The following RBM26 variants were observed in gnomAD, a reference collection of about 807,000 sequenced individuals.
RBM26 encodes RNA binding motif protein 26.
Under a neutral mutation model 123.6 loss-of-function variants are expected in RBM26, and 30 were observed. The observed-to-expected ratio is 0.24, with a 90% CI of 0.18 to 0.33. RBM26 has a LOEUF of 0.33. RBM26 is among the 10% of genes least tolerant of loss of function. RBM26 has a pLI of 1.00. For missense variants in RBM26, 947 were observed against 1,203.6 expected, an observed-to-expected ratio of 0.79 and a Z score of 3.15; for synonymous variants, 400 against 404.4, an observed-to-expected ratio of 0.99 and a Z score of 0.13.
At position 79,324,585 on chromosome 13, in the gene RBM26, T is replaced by C. The variant is rs374025755; in HGVS notation, c.2821-2123A>G. Among the ~76,000 whole-genome samples the C allele has an allele frequency of 2.6e-5, 4 of 152,006 alleles. No homozygotes were observed. In the South Asian group the frequency reaches 6.2e-4, roughly 24 times the overall value. ...CCTTTTATTGGAGAGAAAGGGGTTGTTGTTGTTCTTTTGTTTTTGTCATCA... is the reference window on the plus strand; with the variant it reads ...CCTTTTATTGGAGAGAAAGGGGTTGCTGTTGTTCTTTTGTTTTTGTCATCA... On this transcript the variant is annotated intron_variant, in intron 20 of 21. Coordinates refer to ENST00000438737, the MANE Select transcript of RBM26 (RefSeq NM_001366735.2).
At chr13:79,340,161 CT>C (rs58615322) in intron 18 of RBM26, among the ~76,000 whole-genome samples, 72,786 of 150,678 alleles carry the variant, frequency 0.48, 18,043 homozygotes, top group East Asian at 0.72. Context: ...ATTTTTCAAA[CT>C]TTTTTTTTTC....
chr13:79,390,809 A>G (rs1416986665), intron 1 of RBM26, among the ~76,000 whole-genome samples: 1 of 152,220 alleles, frequency 6.6e-6, no homozygotes, highest in Admixed American at 6.5e-5. Context: ...TTGTAGGGCA[A>G]GGGCAGTCAA....
At chr13:79,325,369 T>C (rs1399911850) in intron 20 of RBM26, among the ~76,000 whole-genome samples, 1 of 152,126 alleles carries the variant, frequency 6.6e-6, no homozygotes, top group African/African-American at 2.4e-5. Flanking sequence ...CAGCTGTGTG[T>C]GTGTTACTGC....
intron 14 of RBM26, among the ~76,000 whole-genome samples, chr13:79,352,683 T>G (rs1025886465): frequency 2.0e-5 from 3 of 152,168 alleles, no homozygotes; most frequent in African/African-American, 4.8e-5. Context: ...TTATTTGATC[T>G]TCAGAAAACC....
At chr13:79,334,244 A>G in intron 20 of RBM26, 100 bp downstream of exon 20, 2 of 655,438 alleles carry the variant, frequency 3.1e-6, no homozygotes, top group South Asian at 2.0e-5. Flanking sequence ...TTGTCAAAGC[A>G]TATTATTTAG....
At chr13:79,344,127 C>T (rs1343070930) in intron 16 of RBM26, 121 bp downstream of exon 16, 3 of 729,222 alleles carry the variant, frequency 4.1e-6, no homozygotes, top group African/African-American at 3.5e-5. Context: ...TTATCACTGA[C>T]AAATATTTGT....
At chr13:79,396,058 T>C (rs2078532488) in intron 1 of RBM26, among the ~76,000 whole-genome samples, 1 of 151,776 alleles carries the variant, frequency 6.6e-6, no homozygotes, top group Non-Finnish European at 1.5e-5. Flanking sequence ...GCTGACCAAA[T>C]AAAAGGAATT....
intron 14 of RBM26, among the ~76,000 whole-genome samples, chr13:79,345,373 C>T (rs993758714): frequency 2.7e-5 from 4 of 150,774 alleles, no homozygotes; most frequent in Admixed American, 1.3e-4. Context: ...TACCTAGGTC[C>T]TTATATGAAA....
chr13:79,328,898 G>A (rs530110100), intron 20 of RBM26, among the ~76,000 whole-genome samples: 19 of 150,886 alleles, frequency 1.3e-4, no homozygotes, highest in Non-Finnish European at 2.2e-4. Context: ...ACCCCACTCC[G>A]ATAAAAATGA....
chr13:79,348,730 G>A (rs1246898529), intron 14 of RBM26, among the ~76,000 whole-genome samples: 2 of 152,110 alleles, frequency 1.3e-5, no homozygotes, highest in African/African-American at 2.4e-5. Context: ...CTGAATGTTC[G>A]TTTATGATAT....
intron 1 of RBM26, among the ~76,000 whole-genome samples, chr13:79,391,776 T>G (rs1335110592): frequency 6.6e-6 from 1 of 151,818 alleles, no homozygotes; most frequent in Non-Finnish European, 1.5e-5. Context: ...AACATAAATG[T>G]CAGTATGGGA....
At chr13:79,370,917 A>G (rs2075817769) in intron 5 of RBM26, 28 bp downstream of exon 5, 1 of 1,575,522 alleles carries the variant, frequency 6.3e-7, no homozygotes, top group Middle Eastern at 1.7e-4. Context: ...AGTTTTTCAT[A>G]AAAAGATAAC....
chr13:79,389,988 T>C (rs2077807679), intron 1 of RBM26, among the ~76,000 whole-genome samples: 1 of 152,146 alleles, frequency 6.6e-6, no homozygotes. Context: ...AGTAGCAACA[T>C]ATAAATGATT....
At chr13:79,327,240 G>T (rs927695760) in intron 20 of RBM26, among the ~76,000 whole-genome samples, 12 of 149,976 alleles carry the variant, frequency 8.0e-5, no homozygotes, top group African/African-American at 3.0e-4. Flanking sequence ...AGGCTGCAGT[G>T]AGCTGTGATC....
At chr13:79,348,971 T>C (rs2072765987) in intron 14 of RBM26, among the ~76,000 whole-genome samples, 1 of 152,184 alleles carries the variant, frequency 6.6e-6, no homozygotes, top group Non-Finnish European at 1.5e-5. Context: ...GTCCCTTAAC[T>C]TATGATGGGG....
chr13:79,325,868 C>T (rs2068324690), intron 20 of RBM26, among the ~76,000 whole-genome samples: 2 of 152,164 alleles, frequency 1.3e-5, no homozygotes. Flanking sequence ...GTACCCCATA[C>T]AGGTATACCA....
chr13:79,331,598 T>C (rs2138751641), intron 20 of RBM26, among the ~76,000 whole-genome samples: 1 of 151,028 alleles, frequency 6.6e-6, no homozygotes, highest in African/African-American at 2.4e-5. Context: ...ATCACACCAC[T>C]GCACTCCAGC....
At chr13:79,316,300 T>G (rs1301888831), downstream of RBM26, among the ~76,000 whole-genome samples, 1 of 151,258 alleles carries the variant, frequency 6.6e-6, no homozygotes, top group African/African-American at 2.4e-5. Context: ...CAGTCTACAT[T>G]GTGTGTAAGG....
Position 79,365,308 on chromosome 13 carries a change from G to T in RBM26, c.1417+270C>A, listed in dbSNP as rs148820599. Among the ~76,000 whole-genome samples, 54 of 152,214 alleles carry T rather than the reference G, an allele frequency of 3.5e-4. No homozygotes were observed. In the East Asian group the frequency reaches 9.7e-3, roughly 27 times the overall value. ...AAAAATACAAAAACTAGCTGGGCAT[G>T]GTGGCAGGCACTTGTGATCCCAGTT... is the stretch of plus-strand genomic sequence containing the variant. On this transcript the variant is annotated intron_variant, in intron 9 of 21. Transcript: ENST00000438737.
Sources: allele counts gnomAD v4.1 joint callset (sites outside exome capture counted in the v4.1 genomes callset), GRCh38; gene constraint gnomAD v4.1.1; transcripts MANE v1.5; gene names NCBI Gene and HGNC (gene_info 2026-07-23, HGNC 2026-07-21).